The following FUCA2 variants were observed in gnomAD, a reference collection of about 807,000 sequenced individuals.
The protein encoded by FUCA2 is plasma alpha-L-fucosidase.
FUCA2 carries 41 observed loss-of-function variants against 52.6 expected under a neutral mutation model. The observed-to-expected ratio is 0.78, with a 90% CI of 0.61 to 1.01. The LOEUF is 1.01. FUCA2 is among the 50% of genes least tolerant of loss of function. The pLI, the probability that FUCA2 is intolerant of heterozygous loss-of-function variation, is 0.00. For synonymous variants in FUCA2, 211 were observed against 217.3 expected, an observed-to-expected ratio of 0.97 and a Z score of 0.26; for missense variants, 507 against 569.5, an observed-to-expected ratio of 0.89 and a Z score of 1.12.
At chr6:143,498,108 T>G (rs1290458807) in intron 5 of FUCA2, among the ~76,000 whole-genome samples, 1 of 152,108 alleles carries the variant, frequency 6.6e-6, no homozygotes, top group Non-Finnish European at 1.5e-5. Context: ...AACATAACAT[T>G]TAATCTGAGA....
rs554781172 is a variant in FUCA2, at chr6:143,502,886, A to G, written c.753-321T>C. ...CATATAGCACTCATAAGAGTATTATATGAATATTTTAAGCTCCCTTCCATA... is the reference window on the plus strand; with the variant it reads ...CATATAGCACTCATAAGAGTATTATGTGAATATTTTAAGCTCCCTTCCATA... On this transcript the variant is annotated intron_variant, in intron 3 of 6. Transcript: ENST00000002165. This position sits in a 1 kb window ranked among gnomAD's most constrained non-coding sequence, Gnocchi z 4.1. 4.9e-6 allele frequency: 1 copy of G among 203,640 alleles called. No individual in the cohort carries two copies. Among genetic ancestry groups the G allele is most frequent in the Admixed American group, 5.2e-5 (1 of 19,194 alleles). The allele number at this position is 203,640 out of a possible 1,614,324, so 12.6% of individuals were successfully genotyped here. A position where few individuals can be genotyped will look rare whatever the true frequency, so the allele number is the denominator to read the frequency against.
chr6:143,507,191 A>G lies in FUCA2; in HGVS notation c.412+46T>C, dbSNP rs1780619113. The G allele has an allele frequency of 1.3e-6, 2 of 1,517,586 alleles. No homozygotes were observed. Among genetic ancestry groups the G allele is most frequent in the East Asian group, 4.8e-5 (2 of 41,754 alleles). 94.0% of individuals were successfully genotyped at this position (1,517,586 alleles called of 1,614,324 possible). A position where few individuals can be genotyped will look rare whatever the true frequency, so the allele number is the denominator to read the frequency against. On this transcript the variant is annotated intron_variant, in intron 2 of 6. Coordinates refer to ENST00000002165, the MANE Select transcript of FUCA2 (RefSeq NM_032020.5). The surrounding 1 kb of genome is among the most constrained non-coding windows in gnomAD (Gnocchi z 4.5). ...TTTTCTTCCAAAAGAACAACTTTTC[A>G]TTTCTTAACCATTGTCAGCAATTTC... is the stretch of plus-strand genomic sequence containing the variant.
At position 143,497,123 on chromosome 6, in the gene FUCA2, C is replaced by A. The variant is rs896588872; in HGVS notation, c.1263+266G>T. The A allele has an allele frequency of 1.1e-5, 4 of 367,952 alleles. No individual in the cohort carries two copies. The highest frequency in any genetic ancestry group is 8.4e-5 in the African/African-American group (4 of 47,422). The allele number at this position is 367,952 out of a possible 1,614,324, so 22.8% of individuals were successfully genotyped here. A position where few individuals can be genotyped will look rare whatever the true frequency, so the allele number is the denominator to read the frequency against. ...TACAGGTGCGTGCCACCATGCTCAGCTAACTTTAAAAAAAATTTTTGTAGA... is the reference window on the plus strand; with the variant it reads ...TACAGGTGCGTGCCACCATGCTCAGATAACTTTAAAAAAAATTTTTGTAGA... On this transcript the variant is annotated intron_variant, in intron 6 of 6. Coordinates refer to ENST00000002165, the MANE Select transcript of FUCA2 (RefSeq NM_032020.5). The surrounding 1 kb of genome is among the most constrained non-coding windows in gnomAD (Gnocchi z 5.3).
Position 143,495,945 on chromosome 6 carries a change from G to A in FUCA2, c.1264-98C>T, listed in dbSNP as rs2128421289. 3 of 1,220,240 alleles carry A rather than the reference G, an allele frequency of 2.5e-6. No individual in the cohort carries two copies. In the East Asian group the frequency reaches 7.1e-5, roughly 29 times the overall value. 75.6% of individuals were successfully genotyped at this position (1,220,240 alleles called of 1,614,324 possible). A position where few individuals can be genotyped will look rare whatever the true frequency, so the allele number is the denominator to read the frequency against. Reference sequence around the variant, plus strand: ...AGTGATTAGTAGTTCAAACAAAATTGTAGACAAGAGGTTCATTTTTACCTT... The same window carrying A: ...AGTGATTAGTAGTTCAAACAAAATTATAGACAAGAGGTTCATTTTTACCTT... On this transcript the variant is annotated intron_variant, in intron 6 of 6. Transcript: ENST00000002165. The surrounding 1 kb of genome is among the most constrained non-coding windows in gnomAD (Gnocchi z 5.2).
intron 5 of FUCA2, among the ~76,000 whole-genome samples, chr6:143,498,639 A>T (rs190964756): frequency 6.6e-6 from 1 of 152,300 alleles, no homozygotes; most frequent in Admixed American, 6.5e-5. Context: ...GATGGCAGAT[A>T]AGATCAGAGA....
rs559393777 is a variant in FUCA2 at position 143,509,348 on chromosome 6, A to G, written c.225-1924T>C. On this transcript the variant is annotated intron_variant, in intron 1 of 6. Transcript: ENST00000002165. The surrounding 1 kb of genome is among the most constrained non-coding windows in gnomAD (Gnocchi z 5.4). ...AATTAAAGAATCTTCCACAGGGTTA[A>G]TGCATTTTCAGATCATCAGGAATCT... 6.6e-6 allele frequency among the ~76,000 whole-genome samples: 1 copy of G among 152,362 alleles called. No individual in the cohort carries two copies. Among genetic ancestry groups the G allele is most frequent in the Admixed American group, 6.5e-5 (1 of 15,310 alleles).
Position 143,511,347 on chromosome 6 carries a change from G to A in FUCA2, c.224+64C>T. The A allele has an allele frequency of 6.9e-7, 1 of 1,452,392 alleles. No homozygotes were observed. The highest frequency in any genetic ancestry group is 9.3e-7 in the Non-Finnish European group (1 of 1,070,948). 90.0% of individuals were successfully genotyped at this position (1,452,392 alleles called of 1,614,324 possible). ...AGGCGGCGAACCAGGCCCGCTGGGT[G>A]GTGGCTGGAGGCTGCGGGTGGGGAC... On this transcript the variant is annotated intron_variant, in intron 1 of 6. Coordinates refer to ENST00000002165, the MANE Select transcript of FUCA2 (RefSeq NM_032020.5). The surrounding 1 kb of genome is among the most constrained non-coding windows in gnomAD (Gnocchi z 6.3).
In FUCA2 at chr6:143,502,428, A is replaced by G. The variant is rs368673865; in HGVS notation, c.890T>C (p.Ile297Thr). 4.4e-5 allele frequency: 71 copies of G among 1,613,964 alleles called. No homozygotes were observed. The highest frequency in any genetic ancestry group is 4.6e-5 in the Non-Finnish European group (54 of 1,180,006). The stretch of plus-strand genomic sequence containing the variant: ...CCTATAGCCCCAGGACAGTTTGTCT[A>G]TTGTCATGCAGTTTTCCCATTTATG... ...LPHKWENCMT[I>T]DKLSWGYRRE... The change falls in exon 4 of 7, where the codon ATA becomes ACA. Residue 297 changes from isoleucine (I) to threonine (T), a missense_variant. Ile to Thr is a moderately conservative substitution (Grantham distance 89, BLOSUM62 -1). Coordinates refer to ENST00000002165, the MANE Select transcript of FUCA2 (RefSeq NM_032020.5). This position sits in a 1 kb window ranked among gnomAD's most constrained non-coding sequence, Gnocchi z 4.1.
chr6:143,505,045 T>C (rs1000766449), intron 2 of FUCA2: 9 of 152,186 alleles, frequency 5.9e-5, no homozygotes, highest in Non-Finnish European at 1.2e-4. Context: ...TTAGAAGTGG[T>C]TCGTTTTTAA....
chr6:143,496,404 T>C (rs1780460895), intron 6 of FUCA2: 1 of 152,200 alleles, frequency 6.6e-6, no homozygotes, highest in Admixed American at 6.5e-5. Context: ...TAAATAATAA[T>C]GTTAATTGGC....
At position 143,504,027 on chromosome 6, in the gene FUCA2, A is replaced by T; in HGVS notation, c.638T>A (p.Leu213His). 6.2e-7 allele frequency: 1 copy of T among 1,614,132 alleles called. No individual in the cohort carries two copies. The highest frequency in any genetic ancestry group is 8.5e-7 in the Non-Finnish European group (1 of 1,180,020). The change falls in exon 3 of 7, where the codon CTC becomes CAC. Residue 213 changes from leucine to histidine, a missense_variant. Leu to His is a moderately conservative substitution (Grantham distance 99, BLOSUM62 -3). Coordinates refer to ENST00000002165, the MANE Select transcript of FUCA2 (RefSeq NM_032020.5). This position sits in a 1 kb window ranked among gnomAD's most constrained non-coding sequence, Gnocchi z 4.4. ...QFPVSKTLPE[L>H]YELVNNYQPE... ...CTGATAGTTGTTCACTAACTCATAG[A>T]GCTCTGGCAATGTCTTAGAAACTGG...
In FUCA2 at chr6:143,511,295, G is replaced by A; in HGVS notation, c.224+116C>T. The A allele has an allele frequency of 1.1e-6, 1 of 939,140 alleles. No homozygotes were observed. Among genetic ancestry groups the A allele is most frequent in the Non-Finnish European group, 1.5e-6 (1 of 648,146 alleles). 58.2% of individuals were successfully genotyped at this position (939,140 alleles called of 1,614,324 possible). A position where few individuals can be genotyped will look rare whatever the true frequency, so the allele number is the denominator to read the frequency against. ...AAACGCGGGTAACGCAGTGGGAGGT[G>A]AAACCGACGAGGGTGCAGGCAGCAC... On this transcript the variant is annotated intron_variant, in intron 1 of 6. Transcript: ENST00000002165. This position sits in a 1 kb window ranked among gnomAD's most constrained non-coding sequence, Gnocchi z 6.3.
rs1780624254 is a variant in FUCA2, at chr6:143,507,481, A to G, written c.225-57T>C. 2 of 1,250,738 alleles carry G rather than the reference A, an allele frequency of 1.6e-6. No individual in the cohort carries two copies. Among genetic ancestry groups the G allele is most frequent in the Non-Finnish European group, 1.1e-6 (1 of 913,850 alleles). 77.5% of individuals were successfully genotyped at this position (1,250,738 alleles called of 1,614,324 possible). A position where few individuals can be genotyped will look rare whatever the true frequency, so the allele number is the denominator to read the frequency against. On this transcript the variant is annotated intron_variant, in intron 1 of 6. Coordinates refer to ENST00000002165, the MANE Select transcript of FUCA2 (RefSeq NM_032020.5). The surrounding 1 kb of genome is among the most constrained non-coding windows in gnomAD (Gnocchi z 4.5). The stretch of plus-strand genomic sequence containing the variant: ...AGCACATACACACATATTTAAAAGA[A>G]CTGCTCCAGCTCCCCTTACCATTTA...
Position 143,497,503 on chromosome 6 carries a change from T to C in FUCA2, c.1155-6A>G. The C allele has an allele frequency of 2.0e-6, 3 of 1,536,568 alleles. No individual in the cohort carries two copies. The highest frequency in any genetic ancestry group is 2.7e-6 in the Non-Finnish European group (3 of 1,112,870). On this transcript the variant is annotated splice_polypyrimidine_tract_variant and splice_region_variant and intron_variant, in intron 5 of 6. Transcript: ENST00000002165. This position sits in a 1 kb window ranked among gnomAD's most constrained non-coding sequence, Gnocchi z 5.3. The stretch of plus-strand genomic sequence containing the variant: ...CTTTAGGCTTGGATGTGTACCTGGT[T>C]AAAAGAAAAAAATAAAGAGCATAGT...
In FUCA2 at chr6:143,500,673, G is replaced by C. The variant is rs1780516681; in HGVS notation, c.1154+1259C>G. 6.6e-6 allele frequency among the ~76,000 whole-genome samples: 1 copy of C among 152,174 alleles called. No individual in the cohort carries two copies. Among genetic ancestry groups the C allele is most frequent in the African/African-American group, 2.4e-5 (1 of 41,438 alleles). ...TGTATATTGATAATGCAAAGGAACA[G>C]GTAACAAAGGTCAAGCGGACAAGAC... On this transcript the variant is annotated intron_variant, in intron 5 of 6. Transcript: ENST00000002165. The surrounding 1 kb of genome is among the most constrained non-coding windows in gnomAD (Gnocchi z 6.9).
chr6:143,504,191 C>T lies in FUCA2; in HGVS notation c.474G>A (p.Lys158=). The T allele has an allele frequency of 6.2e-7, 1 of 1,614,208 alleles. No individual in the cohort carries two copies. The highest frequency in any genetic ancestry group is 8.5e-7 in the Non-Finnish European group (1 of 1,180,034). Residue 158 remains lysine, a synonymous_variant, in exon 3 of 7, where the codon AAG becomes AAA. Coordinates refer to ENST00000002165, the MANE Select transcript of FUCA2 (RefSeq NM_032020.5). The surrounding 1 kb of genome is among the most constrained non-coding windows in gnomAD (Gnocchi z 4.4). ...CCTCAAGTTCCTTGACAATGTCCCT[C>T]TTGGGCCCCTCATCTATGGCATTCC... is the stretch of plus-strand genomic sequence containing the variant. ...WNWNAIDEGP[K]RDIVKELEVA...
rs1226700246 is a variant in FUCA2 at position 143,501,464 on chromosome 6, A to G, written c.1154+468T>C. Among the ~76,000 whole-genome samples the G allele has an allele frequency of 6.6e-6, 1 of 152,196 alleles. No homozygotes were observed. Among genetic ancestry groups the G allele is most frequent in the African/African-American group, 2.4e-5 (1 of 41,450 alleles). Reference sequence around the variant, plus strand: ...ACACAGAACCTCCTCAAGCTCAGAGAGAAGCATCTTCCCTGAACCCTCCCT... The same window carrying G: ...ACACAGAACCTCCTCAAGCTCAGAGGGAAGCATCTTCCCTGAACCCTCCCT... On this transcript the variant is annotated intron_variant, in intron 5 of 6. Transcript: ENST00000002165. This position sits in a 1 kb window ranked among gnomAD's most constrained non-coding sequence, Gnocchi z 6.1.
In FUCA2 at chr6:143,507,111, G is replaced by A; in HGVS notation, c.412+126C>T. 1 of 790,570 alleles carries A rather than the reference G, an allele frequency of 1.3e-6. No homozygotes were observed. The allele number at this position is 790,570 out of a possible 1,614,324, so 49.0% of individuals were successfully genotyped here. ...TGTGCAGTCCCTAAGTCATAAGCAA[G>A]TGCCAGTCACCACTTATGGTTGCTC... On this transcript the variant is annotated intron_variant, in intron 2 of 6. Coordinates refer to ENST00000002165, the MANE Select transcript of FUCA2 (RefSeq NM_032020.5). This position sits in a 1 kb window ranked among gnomAD's most constrained non-coding sequence, Gnocchi z 4.5.
Position 143,510,632 on chromosome 6 carries a change from A to G in FUCA2, c.224+779T>C, listed in dbSNP as rs1295360097. On this transcript the variant is annotated intron_variant, in intron 1 of 6. Transcript: ENST00000002165. This position sits in a 1 kb window ranked among gnomAD's most constrained non-coding sequence, Gnocchi z 4.4. Reference sequence around the variant, plus strand: ...CCAGCCTGGGTGACAGAATGAGACTATGTCTCAAAAAAAAAAAAAAAAGAA... The same window carrying G: ...CCAGCCTGGGTGACAGAATGAGACTGTGTCTCAAAAAAAAAAAAAAAAGAA... 6.8e-6 allele frequency among the ~76,000 whole-genome samples: 1 copy of G among 148,014 alleles called. No homozygotes were observed. The highest frequency in any genetic ancestry group is 1.5e-5 in the Non-Finnish European group (1 of 67,396).
Sources: gnomAD v4.1 joint callset for allele counts (sites outside exome capture counted in the v4.1 genomes callset) on GRCh38, gnomAD v4.1.1 for gene constraint, Gnocchi (gnomAD v3.1) non-coding constraint, MANE v1.5 for transcripts, NCBI Gene and HGNC (gene_info 2026-07-23, HGNC 2026-07-21) for gene names.